LILRA6: variants seen among roughly 807,000 people sequenced by gnomAD.
LILRA6 encodes the protein leukocyte immunoglobulin-like receptor subfamily A member 6.
A neutral mutation model predicts 53.9 loss-of-function variants in LILRA6; 16 were observed. The ratio of observed to expected loss-of-function variants is 0.30; its 90% CI spans 0.20 to 0.45. The LOEUF is 0.45. LILRA6 is among the 20% of genes least tolerant of loss of function. The pLI is 1.00. For synonymous variants in LILRA6, 135 were observed against 256.4 expected, an observed-to-expected ratio of 0.53 and a Z score of 4.52; for missense variants, 306 against 618.6, an observed-to-expected ratio of 0.49 and a Z score of 5.36.
chr19:54,240,564 T>C (rs753332510), exon 6 of LILRA6: 318 of 1,521,062 alleles, frequency 2.1e-4, no homozygotes, highest in Non-Finnish European at 2.3e-4. Flanking sequence ...GGAGACGGTG[T>C]CATAGATCTG....
rs200284348 is a variant in LILRA6, at chr19:54,239,023, A to G, written c.1376T>C (p.Val459Ala). ...CTCAAATAACAGAATCCCGAGGAAC[A>G]CCAGGACCAAGCCTGCCATGCCCAT... Residue 459 changes from valine (V) to alanine (A), a missense_variant, in exon 8 of 8, where the codon GTG (valine) becomes GCG (alanine). By Grantham distance (64) the Val-to-Ala change is moderately conservative (BLOSUM62 0). Transcript: ENST00000396365. 1,233 of 1,611,410 alleles carry G rather than the reference A, an allele frequency of 7.7e-4. 28 individuals are homozygous for G. The highest frequency in any genetic ancestry group is 9.9e-4 in the Non-Finnish European group (1,168 of 1,179,504).
At chr19:54,239,181 G>A (rs73053480) in intron 7 of LILRA6, 92 bp from the exon 8 acceptor site, 341,684 of 1,563,634 alleles carry the variant, frequency 0.22, 19,767 homozygotes, top group African/African-American at 0.35. Context: ...CCCCCCATCC[G>A]CCATTGACAG....
intron 7 of LILRA6, chr19:54,239,364 T>A: frequency 1.1e-6 from 1 of 889,788 alleles, no homozygotes; most frequent in Non-Finnish European, 1.6e-6. Context: ...ACGGAGTTCC[T>A]CAATAAACCC....
downstream of LILRA6, chr19:54,238,014 CTTCTTTTTTTTT>C (rs780514010): frequency 2.4e-4 from 33 of 139,570 alleles, 1 homozygote; most frequent in African/African-American, 7.4e-4. Flanking sequence ...CTGTGTGTCT[CTTCTTTTTTTTT>C]TTCTTTTTTT....
chr19:54,238,850 C>A (rs1216383915), exon 8 of LILRA6: 3 of 1,516,278 alleles, frequency 2.0e-6, no homozygotes, highest in Admixed American at 4.4e-5. Context: ...TGAAATCTCA[C>A]CCCCCTCTGG....
At chr19:54,241,249 C>T in intron 4 of LILRA6, 122 bp from the exon 5 acceptor site, 2 of 1,269,520 alleles carry the variant, frequency 1.6e-6, no homozygotes, top group East Asian at 5.0e-5. Context: ...CCAGGGCCTC[C>T]TTCTCACCCG....
In LILRA6 at chr19:54,240,228, T is replaced by G. The variant is rs11084326; in HGVS notation, c.1258+46A>C. ...GAGAGCTCTCCTGGGGGCCTGGGCC[T>G]GAGCTGAGCCTTTGAGCTCAGAGAG... is the stretch of plus-strand genomic sequence containing the variant. On this transcript the variant is annotated intron_variant, in intron 6 of 7. Coordinates refer to ENST00000396365, the Ensembl canonical transcript of LILRA6. 0.016 allele frequency: 24,077 copies of G among 1,523,146 alleles called. 1,743 individuals carry two copies. The African/African-American group carries it at 0.2, about 13-fold the overall frequency. The allele number at this position is 1,523,146 out of a possible 1,614,324, so 94.4% of individuals were successfully genotyped here.
At chr19:54,237,756 G>A (rs2078656138), downstream of LILRA6, 1 of 150,766 alleles carries the variant, frequency 6.6e-6, no homozygotes, top group African/African-American at 2.5e-5. Context: ...TTATACTCTT[G>A]TTTCTTTACT....
At chr19:54,236,828 C>T (rs1457890565), downstream of LILRA6, 1 of 150,812 alleles carries the variant, frequency 6.6e-6, no homozygotes, top group African/African-American at 2.5e-5. Context: ...CTCACTCACG[C>T]GGAAGCTACA....
exon 5 of LILRA6, chr19:54,241,009 C>G: frequency 6.2e-7 from 1 of 1,613,688 alleles, no homozygotes; most frequent in South Asian, 1.1e-5. Flanking sequence ...CACGTTCCCC[C>G]TCCTTATACA....
chr19:54,240,404 C>T lies in LILRA6; in HGVS notation c.1128G>A (p.Lys376=), dbSNP rs369084687. Residue 376 remains lysine (K), a synonymous_variant, in exon 6 of 8, where the codon AAG becomes AAA. Coordinates refer to ENST00000396365, the Ensembl canonical transcript of LILRA6. The stretch of plus-strand genomic sequence containing the variant: ...GACTCATGGGGAATTCAGCCTGGTA[C>T]TTATGAGCTCCGTACATTGATCTCA... 1.8e-3 allele frequency: 2,901 copies of T among 1,606,506 alleles called. 21 individuals are homozygous for T. The African/African-American group carries it at 0.035, about 19-fold the overall frequency.
chr19:54,237,864 T>G (rs1304618775), downstream of LILRA6: 3 of 150,812 alleles, frequency 2.0e-5, 1 homozygote, highest in Admixed American at 6.6e-5. Context: ...TTGAACCACA[T>G]ATGTTTCCTT....
exon 3 of LILRA6, chr19:54,242,089 A>G: frequency 7.1e-7 from 1 of 1,399,684 alleles, no homozygotes; most frequent in South Asian, 1.4e-5. Context: ...TAATAGTGGC[A>G]GCGGTATCTC....
At chr19:54,239,610 C>T (rs2078692090) in intron 7 of LILRA6, 5 of 1,246,556 alleles carry the variant, frequency 4.0e-6, no homozygotes, top group South Asian at 2.9e-5. Flanking sequence ...CCACGAGCTC[C>T]AGGGAGTCAC....
intron 7 of LILRA6, chr19:54,239,368 T>C (rs2147509467): frequency 1.2e-6 from 1 of 858,076 alleles, no homozygotes; most frequent in Non-Finnish European, 1.7e-6. Flanking sequence ...AGTTCCTCAA[T>C]AAACCCTCCC....
At chr19:54,238,908 C>G in exon 8 of LILRA6, 1 of 1,601,180 alleles carries the variant, frequency 6.2e-7, no homozygotes, top group South Asian at 1.1e-5. Flanking sequence ...CAGATCTGTC[C>G]CTGAGGCTCC....
At chr19:54,242,129 G>A (rs756820715) in exon 3 of LILRA6, 4 of 1,393,136 alleles carry the variant, frequency 2.9e-6, no homozygotes, top group Admixed American at 1.9e-5. Context: ...TGGATGGGAT[G>A]GAGAATCTGG....
chr19:54,236,785 G>A (rs1362860116), downstream of LILRA6: 1 of 150,930 alleles, frequency 6.6e-6, no homozygotes, highest in Non-Finnish European at 1.5e-5. Flanking sequence ...TATGTTCAGT[G>A]AAATAAGCCA....
chr19:54,240,210 C>T (rs575005617), intron 6 of LILRA6, 64 bp downstream of exon 6: 105 of 1,588,110 alleles, frequency 6.6e-5, no homozygotes, highest in Admixed American at 1.4e-4. Flanking sequence ...GCCGAGAGCT[C>T]TCCTGGGGGC....
Sources: gnomAD v4.1 joint callset for allele counts on GRCh38, gnomAD v4.1.1 for gene constraint, MANE v1.5 for transcripts, NCBI Gene and HGNC (gene_info 2026-07-23, HGNC 2026-07-21) for gene names.